The following KCNH1 variants were observed in gnomAD, a reference collection of about 807,000 sequenced individuals.
KCNH1 encodes the protein potassium voltage-gated channel subfamily H member 1.
KCNH1 carries 27 observed loss-of-function variants against 69.2 expected under a neutral mutation model. The ratio of observed to expected loss-of-function variants is 0.39; its 90% CI spans 0.29 to 0.54. KCNH1 has a LOEUF of 0.54. Among genes scored for constraint, KCNH1 ranks in the 20% least tolerant of loss-of-function variants. KCNH1 has a pLI of 0.68. For synonymous variants in KCNH1, 456 were observed against 487.7 expected (o/e 0.93, Z 0.86); for missense variants, 798 against 1,261.6 (o/e 0.63, Z 5.57).
At chr1:210,995,218 A>G (rs1196833654) in intron 6 of KCNH1, among the ~76,000 whole-genome samples, 1 of 152,194 alleles carries the variant, frequency 6.6e-6, no homozygotes, top group African/African-American at 2.4e-5. Flanking sequence ...AAAGAGGAAC[A>G]GATTCAAGAG....
chr1:210,721,887 C>A (rs529891456), intron 10 of KCNH1, among the ~76,000 whole-genome samples: 1 of 152,274 alleles, frequency 6.6e-6, no homozygotes, highest in African/African-American at 2.4e-5. Context: ...GTCCTCTTTC[C>A]TGTGGTTCCA....
chr1:210,787,345 T>C (rs1684124343), intron 9 of KCNH1, among the ~76,000 whole-genome samples: 2 of 152,304 alleles, frequency 1.3e-5, no homozygotes, highest in East Asian at 1.9e-4. Context: ...CTGGATTAGA[T>C]GCCTGTCATA....
intron 10 of KCNH1, among the ~76,000 whole-genome samples, chr1:210,767,125 G>C (rs372419332): frequency 6.6e-6 from 1 of 152,198 alleles, no homozygotes; most frequent in Non-Finnish European, 1.5e-5. Context: ...AGATGGGTTC[G>C]AAATGTAAAA....
chr1:211,113,935 G>GTC (rs138982653), intron 1 of KCNH1, among the ~76,000 whole-genome samples: 8 of 139,848 alleles, frequency 5.7e-5, no homozygotes, highest in Admixed American at 1.5e-4. Context: ...ATTAGATCAA[G>GTC]TCTCTCTCTC....
At chr1:210,791,540 C>T (rs559005679) in intron 9 of KCNH1, among the ~76,000 whole-genome samples, 11 of 152,314 alleles carry the variant, frequency 7.2e-5, no homozygotes, top group African/African-American at 2.4e-4. Context: ...TCTGGAGGCC[C>T]GTGCTATACT....
intron 7 of KCNH1, among the ~76,000 whole-genome samples, chr1:210,863,595 A>G (rs1686029601): frequency 6.6e-6 from 1 of 152,188 alleles, no homozygotes; most frequent in Non-Finnish European, 1.5e-5. Context: ...GATTTTATGG[A>G]ATGTTTCCAC....
At chr1:210,912,967 A>T (rs1170090943) in intron 7 of KCNH1, among the ~76,000 whole-genome samples, 1 of 152,248 alleles carries the variant, frequency 6.6e-6, no homozygotes, top group African/African-American at 2.4e-5. Flanking sequence ...GAGCAGTATA[A>T]AGTGAATCCA....
chr1:210,711,595 C>A (rs1023210570), intron 10 of KCNH1, among the ~76,000 whole-genome samples: 1 of 152,204 alleles, frequency 6.6e-6, no homozygotes, highest in African/African-American at 2.4e-5. Context: ...CAGGTCCTCA[C>A]TCAAATGTCA....
intron 5 of KCNH1, among the ~76,000 whole-genome samples, chr1:211,027,606 A>G (rs1689708121): frequency 6.6e-6 from 1 of 152,118 alleles, no homozygotes; most frequent in Admixed American, 6.6e-5. Flanking sequence ...AGGGAAAGAA[A>G]AAAAAAAGCA....
chr1:210,700,099 A>G (rs1196273326), intron 10 of KCNH1, among the ~76,000 whole-genome samples: 3 of 152,200 alleles, frequency 2.0e-5, no homozygotes, highest in African/African-American at 7.2e-5. Flanking sequence ...AGGAAGGGAC[A>G]AACCACCATG....
intron 7 of KCNH1, among the ~76,000 whole-genome samples, chr1:210,901,755 G>C (rs1686999669): frequency 6.6e-6 from 1 of 152,192 alleles, no homozygotes; most frequent in Admixed American, 6.5e-5. Context: ...AGCAGTTCAA[G>C]GCAAGCCTGT....
intron 10 of KCNH1, among the ~76,000 whole-genome samples, chr1:210,767,872 A>C (rs1683669590): frequency 6.6e-6 from 1 of 152,236 alleles, no homozygotes; most frequent in South Asian, 2.1e-4. Context: ...TAACTTGATG[A>C]CTATTAAAAG....
At chr1:211,027,343 T>C (rs1017497263) in intron 5 of KCNH1, among the ~76,000 whole-genome samples, 3 of 152,180 alleles carry the variant, frequency 2.0e-5, no homozygotes, top group Non-Finnish European at 4.4e-5. Flanking sequence ...CAGTGGCTCA[T>C]GTCTCTAATC....
intron 6 of KCNH1, among the ~76,000 whole-genome samples, chr1:210,962,306 G>GAA (rs1688310039): frequency 6.6e-6 from 1 of 152,168 alleles, no homozygotes; most frequent in Non-Finnish European, 1.5e-5. Flanking sequence ...CTGATGGTTT[G>GAA]AAAACTGTCA....
At chr1:210,926,292 CA>C (rs1687572407) in intron 6 of KCNH1, among the ~76,000 whole-genome samples, 1 of 150,972 alleles carries the variant, frequency 6.6e-6, no homozygotes, top group African/African-American at 2.4e-5. Flanking sequence ...CACACAAAAC[CA>C]AGGACCTTCC....
chr1:210,765,059 C>T (rs1248823230), intron 10 of KCNH1, among the ~76,000 whole-genome samples: 1 of 152,172 alleles, frequency 6.6e-6, no homozygotes, highest in African/African-American at 2.4e-5. Flanking sequence ...TTTGCAGCAA[C>T]ATAAATGCAG....
chr1:211,037,884 C>T (rs12722738), intron 5 of KCNH1, among the ~76,000 whole-genome samples: 50,052 of 151,568 alleles, frequency 0.33, 8,676 homozygotes, highest in Non-Finnish European at 0.38. Flanking sequence ...CTTTCCCCTG[C>T]TATTCTCATT....
intron 1 of KCNH1, among the ~76,000 whole-genome samples, chr1:211,123,000 G>T (rs375314249): frequency 6.6e-6 from 1 of 152,102 alleles, no homozygotes; most frequent in East Asian, 1.9e-4. Context: ...CTTGGACAGG[G>T]TATAGCACCA....
intron 6 of KCNH1, among the ~76,000 whole-genome samples, chr1:210,996,328 G>A (rs1419422358): frequency 6.6e-6 from 1 of 152,232 alleles, no homozygotes; most frequent in Non-Finnish European, 1.5e-5. Flanking sequence ...GGCACACCAG[G>A]AGATTATATC....
Sources: gnomAD v4.1 joint callset for allele counts (sites outside exome capture counted in the v4.1 genomes callset) on GRCh38, gnomAD v4.1.1 for gene constraint, MANE v1.5 for transcripts, NCBI Gene and HGNC (gene_info 2026-07-23, HGNC 2026-07-21) for gene names.